CEP350: variants seen among roughly 807,000 people sequenced by gnomAD.
CEP350 encodes the protein centrosomal protein 350.
A neutral mutation model predicts 331.8 loss-of-function variants in CEP350; 126 were observed. The ratio of observed to expected loss-of-function variants is 0.38; its 90% CI spans 0.33 to 0.44. The LOEUF is 0.44. Ranked by LOEUF, CEP350 falls within the 20% of genes least tolerant of loss-of-function variation. CEP350 has a pLI of 1.00. For missense variants in CEP350, 3,406 were observed against 3,634.6 expected, an observed-to-expected ratio of 0.94 and a Z score of 1.62; for synonymous variants, 1,200 against 1,259.5, an observed-to-expected ratio of 0.95 and a Z score of 1.00.
At chr1:180,021,887 C>G (rs1182548976) in intron 12 of CEP350, among the ~76,000 whole-genome samples, 1 of 152,096 alleles carries the variant, frequency 6.6e-6, no homozygotes. Context: ...CTTCTTATAC[C>G]TGAAATCCTG....
chr1:180,053,657 ATAGT>A (rs1174731406), intron 23 of CEP350, 89 bp from the exon 24 acceptor site: 1 of 678,686 alleles, frequency 1.5e-6, no homozygotes, highest in Non-Finnish European at 2.4e-6. Flanking sequence ...TGTTAAATAC[ATAGT>A]TTGTTTTTGT....
At chr1:180,045,565 A>G (rs1207936386) in intron 21 of CEP350, among the ~76,000 whole-genome samples, 1 of 152,210 alleles carries the variant, frequency 6.6e-6, no homozygotes, top group Admixed American at 6.5e-5. Flanking sequence ...ACCAAAAGTT[A>G]TTGAGTAGCT....
chr1:179,988,146 A>ATT (rs1652776343), intron 3 of CEP350, among the ~76,000 whole-genome samples: 1 of 151,956 alleles, frequency 6.6e-6, no homozygotes, highest in Non-Finnish European at 1.5e-5. Flanking sequence ...AAAGTACAAA[A>ATT]ATTAGCTGGG....
chr1:180,090,670 TATAGTA>T, intron 32 of CEP350, 38 bp from the exon 33 acceptor site: 1 of 1,493,272 alleles, frequency 6.7e-7, no homozygotes, highest in Non-Finnish European at 9.0e-7. Context: ...TACCAGTTAT[TATAGTA>T]ATATGTTTAT....
chr1:180,096,001 C>T, intron 35 of CEP350, 37 bp from the exon 36 acceptor site: 1 of 1,545,676 alleles, frequency 6.5e-7, no homozygotes. Context: ...GATTCTTAGC[C>T]ATTTTGTTTT....
intron 3 of CEP350, among the ~76,000 whole-genome samples, chr1:179,988,036 C>G (rs1347740657): frequency 6.6e-6 from 1 of 152,030 alleles, no homozygotes; most frequent in South Asian, 2.1e-4. Context: ...AGTGGCTCAT[C>G]CTGTAATCCC....
intron 15 of CEP350, among the ~76,000 whole-genome samples, chr1:180,033,493 A>G (rs143175767): frequency 6.3e-4 from 96 of 152,316 alleles, no homozygotes; most frequent in African/African-American, 2.3e-3. Context: ...AGACTCATAT[A>G]TGGCTCCAAT....
At chr1:180,047,757 C>CA (rs5779043) in intron 21 of CEP350, among the ~76,000 whole-genome samples, 38,590 of 73,930 alleles carry the variant, frequency 0.52, 9,682 homozygotes, top group East Asian at 0.7. Context: ...TGAAACTCCT[C>CA]AAAAAAAAAA....
intron 6 of CEP350, among the ~76,000 whole-genome samples, chr1:179,999,204 T>TA (rs1653692907): frequency 6.6e-6 from 1 of 152,160 alleles, no homozygotes; most frequent in Admixed American, 6.5e-5. Flanking sequence ...AAGAAAAAGT[T>TA]AAAATGTTCC....
intron 14 of CEP350, among the ~76,000 whole-genome samples, chr1:180,029,468 C>T (rs1655872756): frequency 6.6e-6 from 1 of 152,100 alleles, no homozygotes; most frequent in African/African-American, 2.4e-5. Context: ...TTATAGAGTC[C>T]TTTCTAATTG....
chr1:180,067,264 AT>A (rs1335958885), intron 27 of CEP350, among the ~76,000 whole-genome samples: 1 of 152,014 alleles, frequency 6.6e-6, no homozygotes, highest in African/African-American at 2.4e-5. Flanking sequence ...TTTTTGAGAG[AT>A]TTGTCAAGGA....
intron 1 of CEP350, among the ~76,000 whole-genome samples, chr1:179,984,197 A>G (rs914245098): frequency 5.3e-5 from 8 of 152,214 alleles, no homozygotes; most frequent in African/African-American, 1.9e-4. Context: ...AATGGGACAT[A>G]ATATTGTATT....
chr1:180,012,370 A>G (rs1654715520), intron 9 of CEP350, among the ~76,000 whole-genome samples: 1 of 152,224 alleles, frequency 6.6e-6, no homozygotes, highest in Admixed American at 6.5e-5. Context: ...GACCTTAGAG[A>G]GAATCAGGTC....
chr1:179,992,009 A>G lies in CEP350; in HGVS notation c.236-53A>G. On this transcript the variant is annotated intron_variant, in intron 4 of 37. Coordinates refer to ENST00000367607, the MANE Select transcript of CEP350 (RefSeq NM_014810.5). ...TTTTTTTAAGATACCAGCCTAATTC[A>G]GAGGCAGTTGTATTTTATATTATAT... is the stretch of plus-strand genomic sequence containing the variant. The G allele has an allele frequency of 2.8e-6, 4 of 1,452,808 alleles. No homozygotes were observed. The South Asian group carries it at 6.0e-5, about 22-fold the overall frequency. 90.0% of individuals were successfully genotyped at this position (1,452,808 alleles called of 1,614,324 possible).
intron 37 of CEP350, among the ~76,000 whole-genome samples, chr1:180,105,618 T>G (rs1366036376): frequency 6.6e-6 from 1 of 152,208 alleles, no homozygotes; most frequent in Admixed American, 6.5e-5. Context: ...AAAGGCTTTT[T>G]CTGCATTTAT....
rs1241038110 is a variant in CEP350 at position 180,093,871 on chromosome 1, A to C, written c.7766A>C (p.Gln2589Pro). 2 of 1,613,798 alleles carry C rather than the reference A, an allele frequency of 1.2e-6. No homozygotes were observed. The highest frequency in any genetic ancestry group is 1.7e-5 in the Admixed American group (1 of 60,004). The change falls in exon 34 of 38, where the codon CAG becomes CCG. Residue 2589 changes from glutamine to proline, a missense_variant. Gln to Pro is a moderately conservative substitution (Grantham distance 76). This residue lies in a region of CEP350 where 1,415 missense variants were observed against 1,512.3 expected (regional missense o/e 0.94). Transcript: ENST00000367607. ...GACTGTTACTCAGATGAACGATATCAGTGCTATAATCAAGAGCAAAATGAT... is the reference window on the plus strand; with the variant it reads ...GACTGTTACTCAGATGAACGATATCCGTGCTATAATCAAGAGCAAAATGAT... ...DEDCYSDERY[Q>P]CYNQEQNDTE...
At chr1:180,076,899 A>C (rs985521723) in intron 28 of CEP350, among the ~76,000 whole-genome samples, 1 of 152,222 alleles carries the variant, frequency 6.6e-6, no homozygotes, top group South Asian at 2.1e-4. Context: ...TATTAACAAA[A>C]ACAAAAAACC....
At position 180,012,025 on chromosome 1, in the gene CEP350, A is replaced by G; in HGVS notation, c.1343A>G (p.Gln448Arg). ...GCTCCCAGAATGGAGCCAAAAGAGC[A>G]AAGAACAGCATCAAGTGACAGAGGT... ...GPAPRMEPKE[Q>R]RTASSDRGGR... The change falls in exon 9 of 38, where the codon CAA becomes CGA. Residue 448 changes from glutamine to arginine, a missense_variant. By Grantham distance (43) the Gln-to-Arg change is conservative. Transcript: ENST00000367607. 1 of 1,580,404 alleles carries G rather than the reference A, an allele frequency of 6.3e-7. No individual in the cohort carries two copies. The highest frequency in any genetic ancestry group is 8.6e-7 in the Non-Finnish European group (1 of 1,162,024).
chr1:179,963,516 ATTCT>A (rs142426530), intron 1 of CEP350, among the ~76,000 whole-genome samples: 2,533 of 151,954 alleles, frequency 0.017, 78 homozygotes, highest in African/African-American at 0.058. Context: ...GTCCAGTTTC[ATTCT>A]TCTGCACATG....
Sources: gnomAD v4.1 joint callset for allele counts (sites outside exome capture counted in the v4.1 genomes callset) on GRCh38, gnomAD v4.1.1 for gene constraint, gnomAD v4.1.1 regional missense constraint, MANE v1.5 for transcripts, NCBI Gene and HGNC (gene_info 2026-07-23, HGNC 2026-07-21) for gene names.